The following PDE10A variants were observed in gnomAD, a reference collection of about 807,000 sequenced individuals.
PDE10A encodes the protein phosphodiesterase 10A, also known as cAMP and cAMP-inhibited cGMP 3',5'-cyclic phosphodiesterase 10A.
In PDE10A, 39 loss-of-function variants were observed where a neutral mutation model predicts 97.7. That is an observed-to-expected ratio of 0.40 (90% CI 0.31 to 0.52). The LOEUF (loss-of-function observed/expected upper bound fraction) is 0.52, where lower values mean the gene tolerates loss of function less well. PDE10A is among the 20% of genes least tolerant of loss of function. PDE10A has a pLI of 0.56. For missense variants in PDE10A, 731 were observed against 1,047.8 expected (o/e 0.70, Z 4.17); for synonymous variants, 371 against 376.8 (o/e 0.98, Z 0.18).
At chr6:165,578,835 AG>A (rs1785459845) in intron 1 of PDE10A, among the ~76,000 whole-genome samples, 1 of 152,192 alleles carries the variant, frequency 6.6e-6, no homozygotes, top group African/African-American at 2.4e-5. Flanking sequence ...GCTCCCCTTA[AG>A]GGAAGACCGA....
intron 1 of PDE10A, among the ~76,000 whole-genome samples, chr6:165,583,353 A>G (rs1261810051): frequency 6.6e-6 from 1 of 152,300 alleles, no homozygotes; most frequent in Admixed American, 6.5e-5. Flanking sequence ...TTTACAAGTA[A>G]AACAGTCAGA....
intron 1 of PDE10A, among the ~76,000 whole-genome samples, chr6:165,961,423 C>A (rs973033429): frequency 3.3e-5 from 5 of 152,216 alleles, no homozygotes; most frequent in African/African-American, 1.2e-4. Flanking sequence ...AAATGCTAAG[C>A]CCGCCTTAGC....
intron 3 of PDE10A, among the ~76,000 whole-genome samples, chr6:165,469,299 A>T (rs916580346): frequency 6.6e-6 from 1 of 152,314 alleles, no homozygotes; most frequent in Non-Finnish European, 1.5e-5. Context: ...AGGGGTCAGT[A>T]GGAACTATTT....
chr6:165,684,340 C>T (rs1378673179), intron 1 of PDE10A, among the ~76,000 whole-genome samples: 1 of 152,210 alleles, frequency 6.6e-6, no homozygotes, highest in African/African-American at 2.4e-5. Flanking sequence ...TTTGTGTCTA[C>T]TGTGGATGGG....
At chr6:165,464,270 A>G (rs578058384) in intron 3 of PDE10A, among the ~76,000 whole-genome samples, 2 of 152,338 alleles carry the variant, frequency 1.3e-5, no homozygotes, top group South Asian at 4.1e-4. Context: ...ACTTACATAT[A>G]CATATATTAG....
At chr6:165,610,048 C>A (rs1299799883) in intron 1 of PDE10A, among the ~76,000 whole-genome samples, 4 of 152,188 alleles carry the variant, frequency 2.6e-5, no homozygotes, top group Non-Finnish European at 5.9e-5. Flanking sequence ...CCCGCTTTGC[C>A]AAGTCAATCC....
At position 165,435,259 on chromosome 6, in the gene PDE10A, A is replaced by T; in HGVS notation, c.1313T>A (p.Leu438Gln). Residue 438 changes from leucine to glutamine, a missense_variant, in exon 6 of 22, where the codon CTG becomes CAG. Leu to Gln is a moderately radical substitution (Grantham distance 113). Transcript: ENST00000539869. ...TACTCCAAGGATGTCTTCTACTAGC[A>T]GTGTTTTCCTGGACTTGGCCACATA... ...SAYVAKSRKT[L>Q]LVEDILGDER... is the part of the protein sequence containing the mutation. 6.2e-7 allele frequency: 1 copy of T among 1,614,010 alleles called. No individual in the cohort carries two copies. The highest frequency in any genetic ancestry group is 8.5e-7 in the Non-Finnish European group (1 of 1,179,906).
At chr6:165,367,643 T>A (rs73243924) in intron 18 of PDE10A, among the ~76,000 whole-genome samples, 3,971 of 132,806 alleles carry the variant, frequency 0.03, 185 homozygotes, top group African/African-American at 0.11. Flanking sequence ...AACTGCTGAC[T>A]TTTCCCCTCA....
chr6:165,619,389 A>AGTCTAGTGTAGTC (rs1562634641), intron 1 of PDE10A, among the ~76,000 whole-genome samples: 17 of 3,074 alleles, frequency 5.5e-3, no homozygotes, highest in East Asian at 7.7e-3. Context: ...GTAGTCTAGT[A>AGTCTAGTGTAGTC]TAGTGTAGTG....
rs373263965 is a variant in PDE10A, at chr6:165,438,052, C to T, written c.1195-2675G>A. ...TTACACATACTCAGCGCTAGGGAAACGTTAATTTACATTCCATTTATTCCA... is the reference window on the plus strand; with the variant it reads ...TTACACATACTCAGCGCTAGGGAAATGTTAATTTACATTCCATTTATTCCA... On this transcript the variant is annotated intron_variant, in intron 5 of 21. Transcript: ENST00000539869. Among the ~76,000 whole-genome samples, 5 of 152,180 alleles carry T rather than the reference C, an allele frequency of 3.3e-5. No individual in the cohort carries two copies. In the South Asian group the frequency reaches 8.3e-4, roughly 25 times the overall value.
At chr6:165,619,249 GTAGTC>G in intron 1 of PDE10A, among the ~76,000 whole-genome samples, 4 of 144,792 alleles carry the variant, frequency 2.8e-5, no homozygotes, top group African/African-American at 1.1e-4. Flanking sequence ...GTGGTGTAGT[GTAGTC>G]TAGTGTAGTG....
intron 1 of PDE10A, among the ~76,000 whole-genome samples, chr6:165,848,227 G>A (rs749539390): frequency 2.0e-5 from 3 of 152,174 alleles, no homozygotes; most frequent in Non-Finnish European, 4.4e-5. Flanking sequence ...CTATGTGGCG[G>A]GAATTGTTCT....
Position 165,662,106 on chromosome 6 carries a change from C to T in PDE10A, c.706G>A (p.Ala236Thr). The change falls in exon 1 of 22, where the codon GCC (alanine) becomes ACC (threonine). Residue 236 changes from alanine (A) to threonine (T), a missense_variant. By Grantham distance (58) the Ala-to-Thr change is moderately conservative. Coordinates refer to ENST00000539869, the MANE Select transcript of PDE10A (RefSeq NM_001385079.1). ...RRAGSPGFPG[A>T]GPGGGGQTPR... ...GTTTGGCCGCCGCCGCCTGGGCCGGCGCCGGGGAAGCCGGGGGAGCCCGCG... is the reference window on the plus strand; with the variant it reads ...GTTTGGCCGCCGCCGCCTGGGCCGGTGCCGGGGAAGCCGGGGGAGCCCGCG... 5 of 1,086,106 alleles carry T rather than the reference C, an allele frequency of 4.6e-6. No homozygotes were observed. The highest frequency in any genetic ancestry group is 1.7e-5 in the African/African-American group (1 of 58,766). 67.3% of individuals were successfully genotyped at this position (1,086,106 alleles called of 1,614,324 possible). A position where few individuals can be genotyped will look rare whatever the true frequency, so the allele number is the denominator to read the frequency against.
chr6:165,565,564 G>A lies in PDE10A; in HGVS notation c.866-21996C>T, dbSNP rs566623130. Among the ~76,000 whole-genome samples the A allele has an allele frequency of 3.3e-5, 5 of 152,210 alleles. No individual in the cohort carries two copies. In the South Asian group the frequency reaches 6.2e-4, roughly 19 times the overall value. On this transcript the variant is annotated intron_variant, in intron 1 of 21. Coordinates refer to ENST00000539869, the MANE Select transcript of PDE10A (RefSeq NM_001385079.1). Reference sequence around the variant, plus strand: ...TAGAAATCCCAGGAAGTTATTTTGTGGTTACTGGAAAACTGATTAAAGTTT... The same window carrying A: ...TAGAAATCCCAGGAAGTTATTTTGTAGTTACTGGAAAACTGATTAAAGTTT...
intron 1 of PDE10A, among the ~76,000 whole-genome samples, chr6:165,622,524 A>G (rs1252655754): frequency 2.0e-5 from 3 of 152,106 alleles, no homozygotes; most frequent in Non-Finnish European, 2.9e-5. Context: ...GGATTTGTGT[A>G]TCTAAACATA....
intron 1 of PDE10A, among the ~76,000 whole-genome samples, chr6:165,691,114 C>CT (rs1321330311): frequency 3.2e-5 from 3 of 94,670 alleles, no homozygotes; most frequent in Admixed American, 2.9e-4. Flanking sequence ...TCTCCCCCCC[C>CT]CCATCAGTGC....
intron 1 of PDE10A, among the ~76,000 whole-genome samples, chr6:165,831,008 C>T (rs970354085): frequency 1.2e-4 from 19 of 152,144 alleles, no homozygotes; most frequent in African/African-American, 4.6e-4. Context: ...AACCACATGA[C>T]ATTTTATCTA....
chr6:165,397,040 C>T (rs562228976), intron 13 of PDE10A, among the ~76,000 whole-genome samples: 7 of 152,248 alleles, frequency 4.6e-5, no homozygotes, highest in African/African-American at 1.7e-4. Flanking sequence ...GGTTTGCATT[C>T]GTCAGTCATA....
In PDE10A at chr6:165,361,099, T is replaced by C. The variant is rs538393808; in HGVS notation, c.2784-17597A>G. ...TTGTATAACTATCTCTATTTGAAGA[T>C]GACATAATCTTATGTGTGTACAGAG... On this transcript the variant is annotated intron_variant, in intron 18 of 21. Transcript: ENST00000539869. Among the ~76,000 whole-genome samples, 36 of 152,310 alleles carry C rather than the reference T, an allele frequency of 2.4e-4. 1 individual carries two copies. The highest frequency in any genetic ancestry group is 1.4e-3 in the South Asian group (7 of 4,834).
Sources: gnomAD v4.1 joint callset for allele counts (sites outside exome capture counted in the v4.1 genomes callset) on GRCh38, gnomAD v4.1.1 for gene constraint, MANE v1.5 for transcripts, NCBI Gene and HGNC (gene_info 2026-07-23, HGNC 2026-07-21) for gene names.